The following STARD13 variants were observed in gnomAD, a reference collection of about 807,000 sequenced individuals.
STARD13 encodes StAR related lipid transfer domain containing 13, also known as stAR-related lipid transfer protein 13.
Under a neutral mutation model 106.4 loss-of-function variants are expected in STARD13, and 62 were observed. The ratio of observed to expected loss-of-function variants is 0.58; its 90% CI spans 0.48 to 0.72. STARD13 has a LOEUF of 0.72. STARD13 is among the 30% of genes least tolerant of loss of function. The pLI is 0.00. For synonymous variants in STARD13, 565 were observed against 553.0 expected (o/e 1.02, Z -0.31); for missense variants, 1,387 against 1,424.0 (o/e 0.97, Z 0.42).
chr13:33,125,954 A>G, intron 7 of STARD13, 127 bp downstream of exon 7: 1 of 830,054 alleles, frequency 1.2e-6, no homozygotes, highest in African/African-American at 1.7e-5. Context: ...AAAGGTCACA[A>G]TGCCTTTTAT....
chr13:33,511,085 G>A, the STARD13 span, among the ~76,000 whole-genome samples: 8 of 152,044 alleles, frequency 5.3e-5, no homozygotes, highest in Admixed American at 4.6e-4. Context: ...TGAGGTGGGC[G>A]GATGACTTGA....
At chr13:33,202,036 C>T (rs1034394032) in intron 1 of STARD13, among the ~76,000 whole-genome samples, 7 of 152,214 alleles carry the variant, frequency 4.6e-5, no homozygotes, top group African/African-American at 1.2e-4. Context: ...GAAACCATTT[C>T]GTTAGGATAG....
Position 33,126,173 on chromosome 13 carries a change from G to A in STARD13, c.1990C>T (p.Pro664Ser), listed in dbSNP as rs759941742. Residue 664 changes from proline to serine, a missense_variant, in exon 7 of 14, where the codon CCT becomes TCT. By Grantham distance (74) the Pro-to-Ser change is moderately conservative. Transcript: ENST00000336934. ...DYKDKAVFGV[P>S]LIVHVQRTGQ... ...GTTCTTTGGACGTGGACTATGAGAG[G>A]AACGCCAAAGACAGCCTTGTCTTTG... The A allele has an allele frequency of 6.2e-7, 1 of 1,614,154 alleles. No individual in the cohort carries two copies.
the STARD13 span, among the ~76,000 whole-genome samples, chr13:33,400,002 C>T: frequency 6.6e-6 from 1 of 152,086 alleles, no homozygotes; most frequent in African/African-American, 2.4e-5. Context: ...TATACATATA[C>T]ATTGTGTAAT....
chr13:33,115,702 C>T (rs1177456899), intron 8 of STARD13, among the ~76,000 whole-genome samples: 1 of 152,122 alleles, frequency 6.6e-6, no homozygotes. Flanking sequence ...AGCTGTAAAC[C>T]ACTTCTGCCT....
At position 33,104,081 on chromosome 13, in the gene STARD13, A is replaced by C. The variant is rs1019047892; in HGVS notation, c.*1512T>G. ...ACATAAATGCATATAATGCAAAAAA[A>C]CCTGAAAACACTCATTTGCTTTTCT... On this transcript the variant is annotated 3_prime_UTR_variant, in exon 14 of 14. Coordinates refer to ENST00000336934, the MANE Select transcript of STARD13 (RefSeq NM_178006.4). The C allele has an allele frequency of 1.3e-5, 2 of 152,206 alleles. No individual in the cohort carries two copies. The highest frequency in any genetic ancestry group is 1.3e-4 in the Admixed American group (2 of 15,276). 9.4% of individuals were successfully genotyped at this position (152,206 alleles called of 1,614,324 possible). A position where few individuals can be genotyped will look rare whatever the true frequency, so the allele number is the denominator to read the frequency against.
chr13:33,546,116 G>C, the STARD13 span, among the ~76,000 whole-genome samples: 11,575 of 152,138 alleles, frequency 0.076, 590 homozygotes, highest in East Asian at 0.28. Flanking sequence ...TTTCAACCAA[G>C]AATTGGTTGA....
chr13:33,276,503 T>A (rs1291331059), intron 1 of STARD13, among the ~76,000 whole-genome samples: 1 of 152,212 alleles, frequency 6.6e-6, no homozygotes, highest in Admixed American at 6.5e-5. Flanking sequence ...TTATACATAA[T>A]TTCAGGGTGG....
At chr13:33,499,606 T>TC in the STARD13 span, among the ~76,000 whole-genome samples, 40 of 56,732 alleles carry the variant, frequency 7.1e-4, no homozygotes, top group Non-Finnish European at 9.8e-4. Flanking sequence ...TCTTCTTCTT[T>TC]CTTCTTCTTC....
intron 4 of STARD13, among the ~76,000 whole-genome samples, chr13:33,135,052 A>G (rs1878871340): frequency 6.6e-6 from 1 of 152,248 alleles, no homozygotes; most frequent in African/African-American, 2.4e-5. Flanking sequence ...TATCAGGAAC[A>G]ATGGGTTCTT....
At position 33,169,023 on chromosome 13, in the gene STARD13, C is replaced by A. The variant is rs976013769; in HGVS notation, c.170-1401G>T. ...CCCTAATCTACTGTTACTCCAGGGA[C>A]TGATGATTTCAAAAGCTTGAGATTT... On this transcript the variant is annotated intron_variant, in intron 1 of 13. Coordinates refer to ENST00000336934, the MANE Select transcript of STARD13 (RefSeq NM_178006.4). Among the ~76,000 whole-genome samples, 5 of 152,294 alleles carry A rather than the reference C, an allele frequency of 3.3e-5. No homozygotes were observed. In the South Asian group the frequency reaches 8.3e-4, roughly 25 times the overall value.
downstream of STARD13, among the ~76,000 whole-genome samples, chr13:33,344,385 G>C (rs1478714743): frequency 1.3e-5 from 2 of 152,190 alleles, no homozygotes; most frequent in Non-Finnish European, 2.9e-5. Flanking sequence ...AATGCTGACA[G>C]AATAGAATGG....
chr13:33,270,430 T>A (rs73458281), intron 1 of STARD13, among the ~76,000 whole-genome samples: 4 of 152,164 alleles, frequency 2.6e-5, no homozygotes, highest in African/African-American at 9.7e-5. Context: ...CCCTAACAGA[T>A]GCCAGCATCC....
chr13:33,676,480 AT>A, the STARD13 span, among the ~76,000 whole-genome samples: 2 of 152,160 alleles, frequency 1.3e-5, no homozygotes, highest in Non-Finnish European at 2.9e-5. Context: ...AAGACATTTT[AT>A]TTTTTAAACA....
intron 12 of STARD13, among the ~76,000 whole-genome samples, chr13:33,109,158 A>G (rs1442681780): frequency 6.6e-6 from 1 of 152,194 alleles, no homozygotes; most frequent in African/African-American, 2.4e-5. Context: ...GATTTTCAAT[A>G]AAAAAGGATA....
downstream of STARD13, among the ~76,000 whole-genome samples, chr13:33,346,592 T>G (rs892350598): frequency 1.3e-5 from 2 of 152,144 alleles, no homozygotes; most frequent in East Asian, 1.9e-4. Flanking sequence ...ATGCCCTAGA[T>G]AGCAAATACA....
intron 1 of STARD13, among the ~76,000 whole-genome samples, chr13:33,232,285 C>A (rs1250165526): frequency 2.0e-5 from 3 of 152,118 alleles, no homozygotes; most frequent in East Asian, 3.8e-4. Flanking sequence ...TGCACTCCAG[C>A]CTTGGTGACA....
At chr13:33,401,539 A>T in the STARD13 span, among the ~76,000 whole-genome samples, 2 of 152,192 alleles carry the variant, frequency 1.3e-5, no homozygotes. Context: ...TGGCTTAAAG[A>T]CACCAGTGGC....
chr13:33,350,766 G>A (rs1196704122), upstream of STARD13: 3 of 696,436 alleles, frequency 4.3e-6, no homozygotes, highest in Non-Finnish European at 5.4e-6. Context: ...CTCCTTCCAG[G>A]AGCGCGCTTC....
Sources: gnomAD v4.1 joint callset for allele counts (sites outside exome capture counted in the v4.1 genomes callset) on GRCh38, gnomAD v4.1.1 for gene constraint, MANE v1.5 for transcripts, NCBI Gene and HGNC (gene_info 2026-07-23, HGNC 2026-07-21) for gene names.